UAP1: variants seen among roughly 807,000 people sequenced by gnomAD.
UAP1 encodes the protein UDP-N-acetylglucosamine pyrophosphorylase 1, also known as UDP-N-acetylhexosamine pyrophosphorylase.
Under a neutral mutation model 58.5 loss-of-function variants are expected in UAP1, and 25 were observed. The observed-to-expected ratio is 0.43, with a 90% CI of 0.31 to 0.60. The LOEUF is 0.60. Ranked by LOEUF, UAP1 falls within the 20% of genes least tolerant of loss-of-function variation. The pLI is 0.11. For missense variants in UAP1, 575 were observed against 630.0 expected, an observed-to-expected ratio of 0.91 and a Z score of 0.93; for synonymous variants, 208 against 213.0, an observed-to-expected ratio of 0.98 and a Z score of 0.21.
At chr1:162,573,531 C>T (rs539371019) in intron 2 of UAP1, among the ~76,000 whole-genome samples, 8 of 152,148 alleles carry the variant, frequency 5.3e-5, no homozygotes, top group African/African-American at 1.9e-4. Context: ...CAATTAAATG[C>T]TATGGAGTTA....
At chr1:162,587,983 A>T (rs1439124444) in intron 6 of UAP1, 5 of 206,440 alleles carry the variant, frequency 2.4e-5, no homozygotes, top group African/African-American at 1.1e-4. Context: ...TCTTTACCAC[A>T]GCTGTGAGCT....
intron 10 of UAP1, among the ~76,000 whole-genome samples, chr1:162,599,051 G>A (rs958987475): frequency 6.6e-6 from 1 of 151,966 alleles, no homozygotes; most frequent in Non-Finnish European, 1.5e-5. Context: ...ATTAACTGTA[G>A]AAATGATCAG....
chr1:162,599,353 A>G (rs1435517426), exon 11 of UAP1: 1 of 1,609,580 alleles, frequency 6.2e-7, no homozygotes, highest in African/African-American at 1.3e-5. Context: ...CTGGTGAAAA[A>G]TGGTATTTGA....
At chr1:162,573,244 A>G (rs1458591522) in intron 2 of UAP1, among the ~76,000 whole-genome samples, 1 of 151,704 alleles carries the variant, frequency 6.6e-6, no homozygotes, top group East Asian at 1.9e-4. Context: ...CAGTTTTTTC[A>G]TTTAGGATGG....
exon 2 of UAP1, chr1:162,566,217 A>C: frequency 6.2e-7 from 1 of 1,614,164 alleles, no homozygotes; most frequent in Non-Finnish European, 8.5e-7. Flanking sequence ...TTCTTTTTCC[A>C]AAAGGCCATT....
exon 2 of UAP1, chr1:162,566,070 T>C (rs761474251): frequency 1.9e-6 from 3 of 1,611,050 alleles, no homozygotes; most frequent in South Asian, 1.1e-5. Context: ...TAGAGCATTA[T>C]GAACATTAAT....
intron 2 of UAP1, among the ~76,000 whole-genome samples, chr1:162,567,165 T>TA (rs1653566476): frequency 2.0e-5 from 3 of 152,234 alleles, no homozygotes; most frequent in Admixed American, 6.5e-5. Context: ...TTGGGGAACT[T>TA]ACACTCATTC....
chr1:162,566,271 G>C (rs953747610), exon 2 of UAP1: 2 of 1,614,020 alleles, frequency 1.2e-6, no homozygotes, highest in African/African-American at 1.3e-5. Flanking sequence ...GTGGATGCAC[G>C]AATGGAACCT....
intron 3 of UAP1, among the ~76,000 whole-genome samples, chr1:162,577,435 C>CTTTTTTTTTTTTTTTTTTTTTT (rs67627704): frequency 2.1e-5 from 2 of 95,240 alleles, no homozygotes; most frequent in African/African-American, 9.5e-5. Context: ...AGTTCCTTCC[C>CTTTTTTTTTTTTTTTTTTTTTT]TTTTTTTTTT....
chr1:162,588,598 A>G, intron 6 of UAP1, 95 bp from the exon 7 acceptor site: 3 of 1,320,410 alleles, frequency 2.3e-6, no homozygotes, highest in Non-Finnish European at 3.1e-6. Flanking sequence ...AAATCTTAGT[A>G]TTGGTTGTTG....
chr1:162,581,519 T>C (rs890890401), intron 5 of UAP1, 60 bp downstream of exon 5: 82 of 1,498,886 alleles, frequency 5.5e-5, no homozygotes, highest in Non-Finnish European at 7.0e-5. Context: ...ATATACGCAT[T>C]CCAGAAGTCA....
intron 9 of UAP1, among the ~76,000 whole-genome samples, chr1:162,594,892 G>A (rs982514951): frequency 1.1e-4 from 17 of 152,102 alleles, no homozygotes; most frequent in African/African-American, 3.4e-4. Flanking sequence ...GAGTTCCTGC[G>A]TAATCCTTAG....
chr1:162,574,165 T>C (rs1488356246), intron 2 of UAP1, among the ~76,000 whole-genome samples: 1 of 148,988 alleles, frequency 6.7e-6, no homozygotes, highest in Non-Finnish European at 1.5e-5. Context: ...CGATCTCAGC[T>C]CACTGCAGCC....
At chr1:162,592,134 G>T (rs1323556089) in intron 8 of UAP1, among the ~76,000 whole-genome samples, 1 of 152,142 alleles carries the variant, frequency 6.6e-6, no homozygotes, top group Non-Finnish European at 1.5e-5. Flanking sequence ...ACGGTGGTTT[G>T]TGCCTGTAAT....
intron 2 of UAP1, 58 bp from the exon 3 acceptor site, chr1:162,576,719 T>C: frequency 6.7e-7 from 1 of 1,490,938 alleles, no homozygotes; most frequent in Non-Finnish European, 9.3e-7. Context: ...CCTATGTATA[T>C]TTAATACTAA....
At chr1:162,592,311 C>A (rs1655364652) in intron 8 of UAP1, among the ~76,000 whole-genome samples, 1 of 152,154 alleles carries the variant, frequency 6.6e-6, no homozygotes, top group South Asian at 2.1e-4. Context: ...ATTGCTTGAA[C>A]CCGGGAGGGA....
In UAP1 at chr1:162,587,455, T is replaced by C. The variant is rs374676620; in HGVS notation, c.835-20T>C. 1.9e-6 allele frequency: 3 copies of C among 1,577,146 alleles called. No homozygotes were observed. The highest frequency in any genetic ancestry group is 1.7e-6 in the Non-Finnish European group (2 of 1,158,308). On this transcript the variant is annotated intron_variant, in intron 5 of 10. Coordinates refer to ENST00000271469, the Ensembl canonical transcript of UAP1. ...CATTTAATTCAATTTCCTCCTCTACTGTTTTTCTCTGGTGGACAGGTGGTA... is the reference window on the plus strand; with the variant it reads ...CATTTAATTCAATTTCCTCCTCTACCGTTTTTCTCTGGTGGACAGGTGGTA...
intron 2 of UAP1, among the ~76,000 whole-genome samples, chr1:162,573,075 A>G (rs1309087951): frequency 1.3e-5 from 2 of 152,214 alleles, no homozygotes; most frequent in Admixed American, 1.3e-4. Context: ...CAGTTTTCAA[A>G]TGTCTTGAAA....
chr1:162,592,900 C>T (rs1655406579), intron 9 of UAP1, 118 bp downstream of exon 9: 1 of 884,536 alleles, frequency 1.1e-6, no homozygotes, highest in East Asian at 2.7e-5. Context: ...ATGGTTGAAA[C>T]TTTGGTGTGG....
Sources: gnomAD v4.1 joint callset for allele counts (sites outside exome capture counted in the v4.1 genomes callset) on GRCh38, gnomAD v4.1.1 for gene constraint, MANE v1.5 for transcripts, NCBI Gene and HGNC (gene_info 2026-07-23, HGNC 2026-07-21) for gene names.